The following RIT2 variants were observed in gnomAD, a reference collection of about 807,000 sequenced individuals.
RIT2 encodes the protein Ras like without CAAX 2, also known as GTP-binding protein Rit2.
RIT2 carries 24 observed loss-of-function variants against 23.7 expected under a neutral mutation model. The observed-to-expected ratio is 1.01, with a 90% CI of 0.73 to 1.43. The LOEUF (loss-of-function observed/expected upper bound fraction) is 1.43. Ranked by LOEUF, RIT2 falls within the 40% of genes most tolerant of loss-of-function variation. RIT2 has a pLI of 0.00. For missense variants in RIT2, 236 were observed against 266.9 expected (o/e 0.88, Z 0.81); for synonymous variants, 107 against 91.1 (o/e 1.17, Z -0.99).
intron 4 of RIT2, among the ~76,000 whole-genome samples, chr18:42,844,241 C>T (rs1906846617): frequency 6.6e-6 from 1 of 152,148 alleles, no homozygotes; most frequent in South Asian, 2.1e-4. Flanking sequence ...GCTCCACCAT[C>T]CATGGATAGC....
intron 1 of RIT2, among the ~76,000 whole-genome samples, chr18:43,081,652 T>C (rs1382110682): frequency 6.6e-6 from 1 of 152,162 alleles, no homozygotes; most frequent in East Asian, 1.9e-4. Context: ...CCTAGAAGAC[T>C]CCTGATTACT....
chr18:43,022,931 G>T (rs771070105), intron 2 of RIT2, among the ~76,000 whole-genome samples: 4 of 152,034 alleles, frequency 2.6e-5, no homozygotes, highest in Non-Finnish European at 5.9e-5. Context: ...GCTGAGAAAA[G>T]AGTGTTTTTT....
At chr18:42,843,444 AC>A (rs1191840356) in intron 4 of RIT2, among the ~76,000 whole-genome samples, 1 of 152,222 alleles carries the variant, frequency 6.6e-6, no homozygotes, top group Admixed American at 6.5e-5. Context: ...TGAAATACAT[AC>A]TTATAAAACT....
chr18:43,034,669 C>T (rs1056301644), intron 1 of RIT2, among the ~76,000 whole-genome samples: 1 of 152,086 alleles, frequency 6.6e-6, no homozygotes, highest in African/African-American at 2.4e-5. Flanking sequence ...AGGTAAGATC[C>T]TAAGCCTTCT....
intron 2 of RIT2, among the ~76,000 whole-genome samples, chr18:42,993,228 G>T (rs1300122577): frequency 6.6e-6 from 1 of 152,128 alleles, no homozygotes; most frequent in Non-Finnish European, 1.5e-5. Flanking sequence ...TGTCTATGTG[G>T]GACCCCACTG....
intron 4 of RIT2, among the ~76,000 whole-genome samples, chr18:42,766,366 TC>T (rs1913422150): frequency 6.6e-6 from 1 of 152,178 alleles, no homozygotes; most frequent in South Asian, 2.1e-4. Flanking sequence ...AGGTGACTCT[TC>T]CTATGTTTTA....
chr18:43,077,097 C>A (rs1405237754), intron 1 of RIT2, among the ~76,000 whole-genome samples: 1 of 81,446 alleles, frequency 1.2e-5, no homozygotes, highest in African/African-American at 4.8e-5. Context: ...AGCGAGACTC[C>A]GTCTCAAAAA....
At chr18:42,850,825 C>A (rs551610407) in intron 4 of RIT2, among the ~76,000 whole-genome samples, 1 of 152,244 alleles carries the variant, frequency 6.6e-6, no homozygotes, top group Non-Finnish European at 1.5e-5. Context: ...CCTTAACTCC[C>A]AGTTCTTATA....
At chr18:43,003,557 T>A (rs1038467604) in intron 2 of RIT2, among the ~76,000 whole-genome samples, 1 of 151,906 alleles carries the variant, frequency 6.6e-6, no homozygotes, top group Non-Finnish European at 1.5e-5. Flanking sequence ...TCAGTGTTAA[T>A]CACATCTATT....
chr18:42,809,407 A>C (rs1264729104), intron 4 of RIT2, among the ~76,000 whole-genome samples: 2 of 152,082 alleles, frequency 1.3e-5, no homozygotes, highest in African/African-American at 4.8e-5. Flanking sequence ...AGTTTGAGCC[A>C]TGAAACTGGG....
chr18:42,927,369 G>GGT (rs60819423), intron 3 of RIT2, among the ~76,000 whole-genome samples: 2,356 of 147,924 alleles, frequency 0.016, 39 homozygotes, highest in African/African-American at 0.044. Context: ...ATGTGGATGT[G>GGT]GTGTGTGTGT....
At chr18:42,961,299 A>T (rs1452729312) in intron 3 of RIT2, among the ~76,000 whole-genome samples, 1 of 152,204 alleles carries the variant, frequency 6.6e-6, no homozygotes, top group Non-Finnish European at 1.5e-5. Context: ...GCTTAGAAAT[A>T]CTATTAAAGT....
intron 4 of RIT2, among the ~76,000 whole-genome samples, chr18:42,899,640 T>C (rs1372797334): frequency 1.3e-5 from 2 of 152,046 alleles, no homozygotes; most frequent in Admixed American, 6.6e-5. Flanking sequence ...CTGAGGTGCA[T>C]TAAAAGCTCA....
intron 1 of RIT2, among the ~76,000 whole-genome samples, chr18:43,076,529 GA>G (rs56258843): frequency 6.7e-6 from 1 of 149,638 alleles, no homozygotes; most frequent in Non-Finnish European, 1.5e-5. Context: ...GGGGTGACCA[GA>G]AAAAAAAAGG....
rs1907513130 is a variant in RIT2 at position 42,867,767 on chromosome 18, C to T, written c.426+55805G>A. The stretch of plus-strand genomic sequence containing the variant: ...CAAGATTGCACCACTGCACTACAGC[C>T]TGGGTAACATAGCAACACCCCAACT... On this transcript the variant is annotated intron_variant, in intron 4 of 4. Coordinates refer to ENST00000326695, the MANE Select transcript of RIT2 (RefSeq NM_002930.4). Among the ~76,000 whole-genome samples, 4 of 152,166 alleles carry T rather than the reference C, an allele frequency of 2.6e-5. 1 individual carries two copies. The South Asian group carries it at 8.3e-4, about 32-fold the overall frequency.
chr18:42,837,614 C>T (rs924746121), intron 4 of RIT2, among the ~76,000 whole-genome samples: 6 of 152,058 alleles, frequency 3.9e-5, no homozygotes, highest in African/African-American at 1.2e-4. Flanking sequence ...AGAATTTAGC[C>T]AAAGCTTTCT....
chr18:42,989,964 T>G (rs1292833495), intron 2 of RIT2, among the ~76,000 whole-genome samples: 1 of 151,832 alleles, frequency 6.6e-6, no homozygotes, highest in Non-Finnish European at 1.5e-5. Flanking sequence ...ACACATATAT[T>G]ATGTATTTTC....
intron 4 of RIT2, among the ~76,000 whole-genome samples, chr18:42,889,259 T>C (rs1268801465): frequency 6.6e-6 from 1 of 152,066 alleles, no homozygotes; most frequent in Non-Finnish European, 1.5e-5. Context: ...TATGAAGAGA[T>C]TCTACTGATC....
intron 1 of RIT2, among the ~76,000 whole-genome samples, chr18:43,070,211 A>G (rs1912866686): frequency 6.6e-6 from 1 of 152,172 alleles, no homozygotes; most frequent in Non-Finnish European, 1.5e-5. Context: ...GCATATCACC[A>G]TATTGTCAAA....
Sources: allele counts gnomAD v4.1 joint callset (sites outside exome capture counted in the v4.1 genomes callset), GRCh38; gene constraint gnomAD v4.1.1; transcripts MANE v1.5; gene names NCBI Gene and HGNC (gene_info 2026-07-23, HGNC 2026-07-21).